The following CCNY variants were observed in gnomAD, a reference collection of about 807,000 sequenced individuals.
CCNY encodes the protein cyclin-Y.
CCNY carries 19 observed loss-of-function variants against 42.8 expected under a neutral mutation model. That is an observed-to-expected ratio of 0.44 (90% CI 0.31 to 0.65). The LOEUF (loss-of-function observed/expected upper bound fraction) is 0.65. Ranked by LOEUF, CCNY falls within the 30% of genes least tolerant of loss-of-function variation. CCNY has a pLI of 0.07. For synonymous variants in CCNY, 165 were observed against 162.7 expected, an observed-to-expected ratio of 1.01 and a Z score of -0.11; for missense variants, 370 against 437.3, an observed-to-expected ratio of 0.85 and a Z score of 1.37.
intron 3 of CCNY, among the ~76,000 whole-genome samples, chr10:35,328,052 T>C (rs1454163613): frequency 5.3e-5 from 8 of 152,226 alleles, no homozygotes; most frequent in Admixed American, 2.0e-4. Context: ...CAGAGAACGA[T>C]AACACTTTGA....
At chr10:35,294,927 T>A (rs985046085) in intron 3 of CCNY, among the ~76,000 whole-genome samples, 2 of 152,156 alleles carry the variant, frequency 1.3e-5, no homozygotes, top group Non-Finnish European at 2.9e-5. Flanking sequence ...TGTTATAGAT[T>A]TATTTAAATT....
intron 1 of CCNY, among the ~76,000 whole-genome samples, chr10:35,395,794 G>A (rs1326265258): frequency 2.0e-5 from 3 of 152,140 alleles, no homozygotes; most frequent in Non-Finnish European, 4.4e-5. Flanking sequence ...TCTTTTTTCA[G>A]TTGAAAGGAC....
chr10:35,380,936 A>G (rs951275176), intron 1 of CCNY, among the ~76,000 whole-genome samples: 24 of 152,184 alleles, frequency 1.6e-4, no homozygotes, highest in African/African-American at 5.1e-4. Flanking sequence ...TTCTTTTGCA[A>G]CTGACTTTCT....
At chr10:35,370,135 G>A (rs1284409571) in intron 1 of CCNY, among the ~76,000 whole-genome samples, 1 of 151,440 alleles carries the variant, frequency 6.6e-6, no homozygotes, top group Admixed American at 6.6e-5. Flanking sequence ...ACAGTAAATT[G>A]TTTGTTACAC....
intron 3 of CCNY, among the ~76,000 whole-genome samples, chr10:35,513,581 C>A (rs142171371): frequency 3.3e-5 from 5 of 152,200 alleles, no homozygotes; most frequent in African/African-American, 9.7e-5. Context: ...TTTACAAATA[C>A]TAATTCATGC....
chr10:35,266,956 C>A (rs1482313191), intron 3 of CCNY, among the ~76,000 whole-genome samples: 2 of 151,894 alleles, frequency 1.3e-5, no homozygotes, highest in East Asian at 3.9e-4. Context: ...GTGGCAGGCA[C>A]ATGTAATCCC....
At chr10:35,279,922 A>G (rs2135052287) in intron 3 of CCNY, among the ~76,000 whole-genome samples, 1 of 152,356 alleles carries the variant, frequency 6.6e-6, no homozygotes, top group East Asian at 1.9e-4. Context: ...TTTTGCTAGC[A>G]AACTCCTCAA....
chr10:35,498,292 G>A (rs769312288), intron 2 of CCNY, among the ~76,000 whole-genome samples: 3 of 152,104 alleles, frequency 2.0e-5, no homozygotes, highest in South Asian at 2.1e-4. Flanking sequence ...TACTGTGTGC[G>A]GCATAGAGCA....
At chr10:35,489,357 G>A (rs889210078) in intron 2 of CCNY, among the ~76,000 whole-genome samples, 2 of 152,148 alleles carry the variant, frequency 1.3e-5, no homozygotes, top group Non-Finnish European at 2.9e-5. Context: ...CTGGAGTGCG[G>A]TGGCACTATC....
chr10:35,388,733 T>TA (rs761394885), intron 1 of CCNY, among the ~76,000 whole-genome samples: 15 of 152,258 alleles, frequency 9.9e-5, no homozygotes, highest in Non-Finnish European at 1.9e-4. Flanking sequence ...TGCATTATCT[T>TA]ATACTTCTCT....
intron 2 of CCNY, among the ~76,000 whole-genome samples, chr10:35,487,016 G>T (rs550428318): frequency 6.6e-6 from 1 of 152,254 alleles, no homozygotes; most frequent in Non-Finnish European, 1.5e-5. Context: ...TTTGCCACCC[G>T]CTAGCCCCTA....
chr10:35,353,311 A>G (rs1485525893), intron 1 of CCNY, among the ~76,000 whole-genome samples: 3 of 152,226 alleles, frequency 2.0e-5, no homozygotes, highest in Non-Finnish European at 4.4e-5. Flanking sequence ...AATTGTGCTC[A>G]TTAAGAGGAC....
Position 35,266,715 on chromosome 10 carries a change from T to C in CCNY, c.-9+16089T>C, listed in dbSNP as rs370287782. ...GGTGTCATTAAGCGTTCTTATTTTT[T>C]ACTTGTATAGATTTAGAAAGTGTTG... On this transcript the variant is annotated intron_variant, in intron 3 of 11. Coordinates refer to the CCNY transcript ENST00000374706. Among the ~76,000 whole-genome samples the C allele has an allele frequency of 3.9e-5, 6 of 152,284 alleles. No homozygotes were observed. The East Asian group carries it at 7.7e-4, about 20-fold the overall frequency.
chr10:35,447,204 G>A (rs950341771), intron 1 of CCNY, among the ~76,000 whole-genome samples: 2 of 152,354 alleles, frequency 1.3e-5, no homozygotes, highest in South Asian at 2.1e-4. Flanking sequence ...GTGAACCCGG[G>A]AGGCGGAGCT....
At chr10:35,461,858 G>A (rs1839164235) in intron 1 of CCNY, among the ~76,000 whole-genome samples, 1 of 152,050 alleles carries the variant, frequency 6.6e-6, no homozygotes, top group Non-Finnish European at 1.5e-5. Context: ...ATCTTCATTT[G>A]TCCCTGATGT....
intron 3 of CCNY, among the ~76,000 whole-genome samples, chr10:35,301,872 A>C (rs1050544243): frequency 1.3e-5 from 2 of 152,108 alleles, no homozygotes; most frequent in African/African-American, 4.8e-5. Context: ...GGCTCAAGCG[A>C]TCTGCCCGCC....
At chr10:35,485,724 C>CAAAAAAAAAAAAA (rs60570748) in intron 2 of CCNY, among the ~76,000 whole-genome samples, 2 of 97,784 alleles carry the variant, frequency 2.0e-5, no homozygotes, top group African/African-American at 7.4e-5. Flanking sequence ...GACTCCGTCT[C>CAAAAAAAAAAAAA]AAAAAAAAAA....
intron 1 of CCNY, among the ~76,000 whole-genome samples, chr10:35,470,025 T>G (rs1469619041): frequency 2.7e-5 from 3 of 112,500 alleles, no homozygotes; most frequent in East Asian, 2.8e-4. Context: ...GACAGGGAGA[T>G]AGGGCAGTGG....
chr10:35,456,664 A>G (rs1264127478), intron 1 of CCNY, among the ~76,000 whole-genome samples: 1 of 152,132 alleles, frequency 6.6e-6, no homozygotes, highest in Non-Finnish European at 1.5e-5. Flanking sequence ...GTCTGAGGTG[A>G]CCCTCAGAGG....
Sources: gnomAD v4.1 joint callset for allele counts (sites outside exome capture counted in the v4.1 genomes callset) on GRCh38, gnomAD v4.1.1 for gene constraint, MANE v1.5 for transcripts, NCBI Gene and HGNC (gene_info 2026-07-23, HGNC 2026-07-21) for gene names.